The following KAZN variants were observed in gnomAD, a reference collection of about 807,000 sequenced individuals.
KAZN encodes kazrin, periplakin interacting protein.
In KAZN, 40 loss-of-function variants were observed where a neutral mutation model predicts 87.4. The observed-to-expected ratio is 0.46, with a 90% CI of 0.36 to 0.60. The LOEUF (loss-of-function observed/expected upper bound fraction) is 0.60. KAZN is among the 20% of genes least tolerant of loss of function. The pLI, the probability that KAZN is intolerant of heterozygous loss-of-function variation, is 0.00. For synonymous variants in KAZN, 466 were observed against 458.3 expected, an observed-to-expected ratio of 1.02 and a Z score of -0.22; for missense variants, 898 against 1,073.9, an observed-to-expected ratio of 0.84 and a Z score of 2.29.
chr1:13,943,315 A>G (rs1370881456), intron 1 of KAZN, among the ~76,000 whole-genome samples: 1 of 152,210 alleles, frequency 6.6e-6, no homozygotes, highest in Non-Finnish European at 1.5e-5. Flanking sequence ...CAGAAAGAAG[A>G]TAATAGTGTC....
At chr1:14,604,257 G>A (rs1677191585) in intron 1 of KAZN, among the ~76,000 whole-genome samples, 2 of 152,190 alleles carry the variant, frequency 1.3e-5, no homozygotes, top group African/African-American at 2.4e-5. Flanking sequence ...GGCATAGTGG[G>A]TTCAGAAAGA....
At chr1:14,730,620 G>T (rs1643635826) in intron 1 of KAZN, among the ~76,000 whole-genome samples, 1 of 152,058 alleles carries the variant, frequency 6.6e-6, no homozygotes, top group African/African-American at 2.4e-5. Flanking sequence ...TGAAGCCAGG[G>T]TACCCATTCT....
chr1:14,208,759 A>G (rs1347291494), intron 2 of KAZN, among the ~76,000 whole-genome samples: 4 of 152,188 alleles, frequency 2.6e-5, no homozygotes, highest in African/African-American at 7.2e-5. Flanking sequence ...AGCCAGCAAC[A>G]TGCTGAGGGT....
intron 2 of KAZN, among the ~76,000 whole-genome samples, chr1:14,505,702 G>T (rs932488917): frequency 6.6e-6 from 1 of 152,156 alleles, no homozygotes; most frequent in African/African-American, 2.4e-5. Context: ...GGCTGGGCGC[G>T]GTGGCTCACG....
chr1:14,428,679 C>A (rs898773770), intron 2 of KAZN, among the ~76,000 whole-genome samples: 14 of 152,192 alleles, frequency 9.2e-5, no homozygotes, highest in African/African-American at 2.4e-4. Flanking sequence ...GTGGAAGGCA[C>A]CTCTTCACAG....
At chr1:14,499,777 C>G (rs1033315389) in intron 2 of KAZN, among the ~76,000 whole-genome samples, 1 of 152,170 alleles carries the variant, frequency 6.6e-6, no homozygotes, top group African/African-American at 2.4e-5. Context: ...GCCCTAGTGG[C>G]TTGGGCCTCA....
chr1:14,213,033 G>T (rs1043826679), intron 2 of KAZN, among the ~76,000 whole-genome samples: 2 of 152,038 alleles, frequency 1.3e-5, no homozygotes, highest in Non-Finnish European at 2.9e-5. Flanking sequence ...CACTTTTCAG[G>T]AATGTGTTTA....
At chr1:14,365,289 C>T (rs1178193518) in intron 2 of KAZN, among the ~76,000 whole-genome samples, 5 of 151,754 alleles carry the variant, frequency 3.3e-5, no homozygotes, top group Non-Finnish European at 5.9e-5. Flanking sequence ...CCTCATGATC[C>T]GCCCGCCTCG....
intron 1 of KAZN, among the ~76,000 whole-genome samples, chr1:14,828,250 C>T (rs1052653969): frequency 6.6e-6 from 1 of 152,156 alleles, no homozygotes; most frequent in African/African-American, 2.4e-5. Flanking sequence ...AAGGAGAAAA[C>T]AACATAAAAT....
rs113464221 is a variant in KAZN at position 14,716,317 on chromosome 1, G to A, written c.226+117094G>A. 3.9e-5 allele frequency among the ~76,000 whole-genome samples: 6 copies of A among 152,234 alleles called. No individual in the cohort carries two copies. The East Asian group carries it at 1.2e-3, about 30-fold the overall frequency. On this transcript the variant is annotated intron_variant, in intron 1 of 14. Coordinates refer to ENST00000376030, the MANE Select transcript of KAZN (RefSeq NM_201628.3). ...ATTTCTCTAGACATTTATCGTTCAG[G>A]CAATGCAGCGTTCTCTCCAAAATCC...
At chr1:14,876,922 C>A (rs1212097907) in intron 1 of KAZN, among the ~76,000 whole-genome samples, 1 of 152,188 alleles carries the variant, frequency 6.6e-6, no homozygotes, top group Non-Finnish European at 1.5e-5. Context: ...AAGTTGAAAC[C>A]AACTTGTATT....
chr1:15,066,174 C>T lies in KAZN; in HGVS notation c.1222+421C>T, dbSNP rs1166281462. ...GTTTTTGTTTTTTTCCCCCTTTCTCCTCCCCTCCTCCTTTTTATGAAACTT... is the reference window on the plus strand; with the variant it reads ...GTTTTTGTTTTTTTCCCCCTTTCTCTTCCCCTCCTCCTTTTTATGAAACTT... On this transcript the variant is annotated intron_variant, in intron 8 of 14. Transcript: ENST00000376030. The surrounding 1 kb of genome is among the most constrained non-coding windows in gnomAD (Gnocchi z 4.3). The T allele has an allele frequency of 3.0e-6, 3 of 1,007,680 alleles. No individual in the cohort carries two copies. Among genetic ancestry groups the T allele is most frequent in the Non-Finnish European group, 3.5e-6 (3 of 845,150 alleles). 62.4% of individuals were successfully genotyped at this position (1,007,680 alleles called of 1,614,324 possible).
chr1:14,044,510 C>T (rs560649374), intron 1 of KAZN, among the ~76,000 whole-genome samples: 17 of 151,920 alleles, frequency 1.1e-4, no homozygotes, highest in Non-Finnish European at 1.8e-4. Context: ...TGATGAAGAG[C>T]GGATGAATTA....
intron 2 of KAZN, among the ~76,000 whole-genome samples, chr1:14,533,183 T>C (rs1032405919): frequency 6.6e-6 from 1 of 152,160 alleles, no homozygotes; most frequent in Admixed American, 6.5e-5. Flanking sequence ...TCCTTAATAA[T>C]ACAAAAATTG....
At chr1:14,569,523 C>T (rs1366246602) in intron 2 of KAZN, among the ~76,000 whole-genome samples, 5 of 151,556 alleles carry the variant, frequency 3.3e-5, no homozygotes, top group African/African-American at 4.9e-5. Context: ...GGGGTTTCAC[C>T]GTGTTAGCCA....
Position 14,736,978 on chromosome 1 carries a change from A to T in KAZN, c.226+137755A>T, listed in dbSNP as rs145931891. Among the ~76,000 whole-genome samples, 3 of 152,270 alleles carry T rather than the reference A, an allele frequency of 2.0e-5. No homozygotes were observed. In the South Asian group the frequency reaches 6.2e-4, roughly 32 times the overall value. On this transcript the variant is annotated intron_variant, in intron 1 of 14. Coordinates refer to ENST00000376030, the MANE Select transcript of KAZN (RefSeq NM_201628.3). ...CCTGAGAGAGCCGACTTTCTTATGA[A>T]AGAGATCGGCGATCGAGATCAATAA... is the stretch of plus-strand genomic sequence containing the variant.
At chr1:14,428,595 A>T (rs1001556303) in intron 2 of KAZN, among the ~76,000 whole-genome samples, 2 of 152,182 alleles carry the variant, frequency 1.3e-5, no homozygotes, top group Non-Finnish European at 2.9e-5. Flanking sequence ...AGACTGAGTA[A>T]TTTATAAAGA....
chr1:14,279,791 C>T (rs1420366215), intron 2 of KAZN, among the ~76,000 whole-genome samples: 14 of 152,126 alleles, frequency 9.2e-5, no homozygotes, highest in Admixed American at 6.6e-5. Context: ...AGGTTGCCTT[C>T]ACTGAGCAAG....
chr1:14,722,129 C>T (rs1469428760), intron 1 of KAZN, among the ~76,000 whole-genome samples: 2 of 149,402 alleles, frequency 1.3e-5, no homozygotes, highest in Non-Finnish European at 3.0e-5. Context: ...TCAGCCTAAG[C>T]GTCAGAGTGA....
Sources: gnomAD v4.1 joint callset for allele counts (sites outside exome capture counted in the v4.1 genomes callset) on GRCh38, gnomAD v4.1.1 for gene constraint, Gnocchi (gnomAD v3.1) non-coding constraint, MANE v1.5 for transcripts, NCBI Gene and HGNC (gene_info 2026-07-23, HGNC 2026-07-21) for gene names.